MTREX: variants seen among roughly 807,000 people sequenced by gnomAD.
MTREX encodes exosome RNA helicase MTR4.
A neutral mutation model predicts 135.4 loss-of-function variants in MTREX; 76 were observed. The observed-to-expected ratio is 0.56, with a 90% confidence interval of 0.47 to 0.68. The LOEUF is 0.68. MTREX is among the 30% of genes least tolerant of loss of function. The pLI, the probability that MTREX is intolerant of heterozygous loss-of-function variation, is 0.00. For synonymous variants in MTREX, 404 were observed against 401.6 expected (o/e 1.01, Z -0.07); for missense variants, 920 against 1,262.1 (o/e 0.73, Z 4.11).
intron 11 of MTREX, among the ~76,000 whole-genome samples, chr5:55,348,318 A>G (rs1749772409): frequency 6.6e-6 from 1 of 152,168 alleles, no homozygotes. Context: ...TGATAAAGGC[A>G]TTAATCCATT....
chr5:55,416,473 A>G (rs551705871), intron 25 of MTREX, among the ~76,000 whole-genome samples: 61 of 152,220 alleles, frequency 4.0e-4, no homozygotes, highest in African/African-American at 1.3e-3. Context: ...GAGCTATATA[A>G]TTCCACTAAA....
At chr5:55,342,046 C>T (rs966508336) in intron 7 of MTREX, among the ~76,000 whole-genome samples, 3 of 152,106 alleles carry the variant, frequency 2.0e-5, no homozygotes, top group African/African-American at 7.2e-5. Context: ...GCTGGAACTA[C>T]AGACGTGTAC....
At chr5:55,322,172 G>A (rs1749299783) in intron 1 of MTREX, among the ~76,000 whole-genome samples, 155 bp from the exon 2 acceptor site, 1 of 152,132 alleles carries the variant, frequency 6.6e-6, no homozygotes, top group South Asian at 2.1e-4. Context: ...TAGTTATAAA[G>A]TTAAGGTATT....
At position 55,414,250 on chromosome 5, in the gene MTREX, T is replaced by TTG; in HGVS notation, c.2808+13_2808+14insGT. The TTG allele has an allele frequency of 6.4e-7, 1 of 1,558,518 alleles. No homozygotes were observed. Among genetic ancestry groups the TTG allele is most frequent in the Non-Finnish European group, 8.6e-7 (1 of 1,161,476 alleles). On this transcript the variant is annotated intron_variant, in intron 24 of 26. Coordinates refer to ENST00000230640, the MANE Select transcript of MTREX (RefSeq NM_015360.5). Reference sequence around the variant, plus strand: ...TTCGTCAAATGCAGGTAAGGTTTTTTTTTTTTTTTTTTGAACTACATATTT... The same window carrying TTG: ...TTCGTCAAATGCAGGTAAGGTTTTTTTGTTTTTTTTTTTTGAACTACATATTT...
At chr5:55,366,899 A>T in intron 16 of MTREX, 24 bp downstream of exon 16, 1 of 1,544,692 alleles carries the variant, frequency 6.5e-7, no homozygotes. Flanking sequence ...ACCATAACAG[A>T]GCTTAGTGTA....
At chr5:55,346,075 T>C (rs1247311993) in intron 10 of MTREX, among the ~76,000 whole-genome samples, 2 of 152,220 alleles carry the variant, frequency 1.3e-5, no homozygotes, top group Non-Finnish European at 2.9e-5. Flanking sequence ...GGATGGACTT[T>C]TGGGTTTTTC....
rs6895799 is a variant in MTREX at position 55,388,713 on chromosome 5, C to A, written c.2181+611C>A. ...TTGACCTAACGATATTTTCTACTTA[C>A]AACTAGTTTATCAGAACATAACCCA... On this transcript the variant is annotated intron_variant, in intron 19 of 26. Transcript: ENST00000230640. 7.2e-5 allele frequency among the ~76,000 whole-genome samples: 11 copies of A among 152,134 alleles called. No homozygotes were observed. In the South Asian group the frequency reaches 1.9e-3, roughly 26 times the overall value.
intron 5 of MTREX, among the ~76,000 whole-genome samples, chr5:55,331,716 G>T (rs1561188713): frequency 6.6e-6 from 1 of 152,188 alleles, no homozygotes; most frequent in Non-Finnish European, 1.5e-5. Flanking sequence ...GGCCTTCACA[G>T]ACTACGATCT....
rs1750341573 is a variant in MTREX, at chr5:55,378,431, A to G, written c.1928A>G (p.Tyr643Cys). 2 of 1,612,608 alleles carry G rather than the reference A, an allele frequency of 1.2e-6. No individual in the cohort carries two copies. Among genetic ancestry groups the G allele is most frequent in the South Asian group, 1.1e-5 (1 of 90,568 alleles). The change falls in exon 17 of 27, where the codon TAT becomes TGT. Residue 643 changes from tyrosine (Y) to cysteine (C), a missense_variant. Transcript: ENST00000230640. Reference sequence around the variant, plus strand: ...AAATTGGGTAAAGAAATTGAAGAATATATTCACAAACCAAAATACTGCTTA... The same window carrying G: ...AAATTGGGTAAAGAAATTGAAGAATGTATTCACAAACCAAAATACTGCTTA... ...LAKLGKEIEE[Y>C]IHKPKYCLPF...
intron 20 of MTREX, among the ~76,000 whole-genome samples, chr5:55,398,590 T>C (rs1750679413): frequency 6.6e-6 from 1 of 152,188 alleles, no homozygotes; most frequent in Non-Finnish European, 1.5e-5. Flanking sequence ...AATAGCACAG[T>C]TTTGAGCAGA....
At chr5:55,374,262 A>AC (rs1449337269) in intron 16 of MTREX, among the ~76,000 whole-genome samples, 15 of 139,138 alleles carry the variant, frequency 1.1e-4, no homozygotes, top group Admixed American at 2.8e-4. Flanking sequence ...CTCAAAAAAC[A>AC]TTTATATATA....
chr5:55,386,751 A>C (rs934232055), intron 18 of MTREX, among the ~76,000 whole-genome samples: 1 of 152,156 alleles, frequency 6.6e-6, no homozygotes, highest in African/African-American at 2.4e-5. Context: ...AAGATTGCTC[A>C]TACGCCTGTG....
chr5:55,343,469 C>A lies in MTREX; in HGVS notation c.906+14C>A, dbSNP rs1306092155. On this transcript the variant is annotated intron_variant, in intron 8 of 26. Coordinates refer to ENST00000230640, the MANE Select transcript of MTREX (RefSeq NM_015360.5). ...TTACATAAACAGGTATTTTTTCCTC[C>A]TTTTTTGATGTCTTCAATATTCAAA... is the stretch of plus-strand genomic sequence containing the variant. 1.2e-6 allele frequency: 2 copies of A among 1,607,794 alleles called. No individual in the cohort carries two copies. Among genetic ancestry groups the A allele is most frequent in the Admixed American group, 1.7e-5 (1 of 59,160 alleles).
chr5:55,381,804 C>A (rs1436601538), intron 18 of MTREX, among the ~76,000 whole-genome samples: 1 of 152,110 alleles, frequency 6.6e-6, no homozygotes, highest in Non-Finnish European at 1.5e-5. Flanking sequence ...TCTTTGCAGA[C>A]CATTCTGTCT....
At chr5:55,335,835 A>G (rs1347478505) in intron 5 of MTREX, among the ~76,000 whole-genome samples, 1 of 152,176 alleles carries the variant, frequency 6.6e-6, no homozygotes, top group Non-Finnish European at 1.5e-5. Flanking sequence ...GAACTTAAAA[A>G]TTAATTTGGA....
At chr5:55,349,763 A>G in intron 12 of MTREX, 111 bp downstream of exon 12, 2 of 631,178 alleles carry the variant, frequency 3.2e-6, no homozygotes, top group Admixed American at 2.7e-5. Context: ...ACTGTAGCAT[A>G]TGGGTTGTGA....
chr5:55,425,117 C>T lies in MTREX; in HGVS notation c.*345C>T, dbSNP rs576680230. On this transcript the variant is annotated 3_prime_UTR_variant, in exon 27 of 27. Transcript: ENST00000230640. ...CAGCAGAAGTCTTTAAAGGCTTGTA[C>T]ACCAGGAAGAAAGATGCATCCTCTT... is the stretch of plus-strand genomic sequence containing the variant. The T allele has an allele frequency of 5.4e-6, 8 of 1,483,508 alleles. No individual in the cohort carries two copies. The African/African-American group carries it at 7.0e-5, about 13-fold the overall frequency. The allele number at this position is 1,483,508 out of a possible 1,614,324, so 91.9% of individuals were successfully genotyped here.
Position 55,358,692 on chromosome 5 carries a change from A to G in MTREX, c.1653A>G (p.Leu551=). ...TGAGCCCAACAATTGGAAAACAATT[A>G]CTTAAGGTAACTACATTAAGATTGT... ...EKMSPTIGKQ[L]LKGSADPLNS... Residue 551 remains leucine, a synonymous_variant, in exon 15 of 27, where the codon TTA becomes TTG. Transcript: ENST00000230640. The G allele has an allele frequency of 6.3e-7, 1 of 1,591,566 alleles. No individual in the cohort carries two copies.
At chr5:55,364,048 C>A (rs1342553719) in intron 15 of MTREX, among the ~76,000 whole-genome samples, 1 of 152,036 alleles carries the variant, frequency 6.6e-6, no homozygotes, top group African/African-American at 2.4e-5. Flanking sequence ...TGGTTGTGGT[C>A]TAAGGCTTTA....
Sources: allele counts gnomAD v4.1 joint callset (sites outside exome capture counted in the v4.1 genomes callset), GRCh38; gene constraint gnomAD v4.1.1; transcripts MANE v1.5; gene names NCBI Gene and HGNC (gene_info 2026-07-23, HGNC 2026-07-21).